Variants in RORB observed in about 807,000 individuals in gnomAD.
RORB encodes RAR related orphan receptor B, also known as nuclear receptor ROR-beta.
Under a neutral mutation model 59.1 loss-of-function variants are expected in RORB, and 6 were observed. That is an observed-to-expected ratio of 0.10 (90% CI 0.06 to 0.20). The LOEUF (loss-of-function observed/expected upper bound fraction) is 0.20. RORB is among the 10% of genes least tolerant of loss of function. The pLI is 1.00. For missense variants in RORB, 320 were observed against 560.5 expected (o/e 0.57, Z 4.33); for synonymous variants, 215 against 204.5 (o/e 1.05, Z -0.44).
Position 74,634,833 on chromosome 9 carries a change from CTATT to C in RORB, c.235+64_235+67del, listed in dbSNP as rs1285252264. 6.2e-6 allele frequency: 9 copies of C among 1,451,578 alleles called. No individual in the cohort carries two copies. The African/African-American group carries it at 7.2e-5, about 12-fold the overall frequency. 89.9% of individuals were successfully genotyped at this position (1,451,578 alleles called of 1,614,324 possible). On this transcript the variant is annotated intron_variant, in intron 3 of 9. Coordinates refer to ENST00000376896, the MANE Select transcript of RORB (RefSeq NM_006914.4). ...TTTCAAATGGATGCTTTGCTGGAGT[CTATT>C]TAAGCTGCTGGAAGAATTCTAGATG...
chr9:74,672,643 A>T (rs1303695492), intron 9 of RORB, among the ~76,000 whole-genome samples: 6 of 152,236 alleles, frequency 3.9e-5, no homozygotes, highest in Non-Finnish European at 8.8e-5. Context: ...TAAAATAATC[A>T]CAAAAGGAAA....
intron 1 of RORB, among the ~76,000 whole-genome samples, chr9:74,559,507 AGTCTTGGTAAGCT>A (rs1822363185): frequency 6.6e-6 from 1 of 152,152 alleles, no homozygotes; most frequent in East Asian, 1.9e-4. Flanking sequence ...CATGTTTTTA[AGTCTTGGTAAGCT>A]GTTTTTCTTT....
chr9:74,539,759 A>T (rs1402366434), intron 1 of RORB, among the ~76,000 whole-genome samples: 1 of 151,966 alleles, frequency 6.6e-6, no homozygotes, highest in Non-Finnish European at 1.5e-5. Flanking sequence ...GCCAGCTTTT[A>T]CTATGAATTC....
chr9:74,642,037 A>G (rs1823816079), intron 3 of RORB, among the ~76,000 whole-genome samples: 1 of 152,186 alleles, frequency 6.6e-6, no homozygotes, highest in Non-Finnish European at 1.5e-5. Flanking sequence ...GTTAGTTATG[A>G]GTGTTGGTTA....
chr9:74,644,743 A>G (rs953850131), intron 4 of RORB, among the ~76,000 whole-genome samples: 7 of 152,234 alleles, frequency 4.6e-5, no homozygotes, highest in African/African-American at 1.7e-4. Context: ...TTGAATCCTT[A>G]TAAAACAAAA....
chr9:74,642,331 C>G (rs1823821378), intron 3 of RORB, 83 bp from the exon 4 acceptor site: 20 of 1,385,452 alleles, frequency 1.4e-5, no homozygotes, highest in Non-Finnish European at 1.9e-5. Flanking sequence ...GAAGGGACAA[C>G]CATCCCATGA....
chr9:74,606,535 G>A (rs928143001), intron 1 of RORB, among the ~76,000 whole-genome samples: 9 of 152,076 alleles, frequency 5.9e-5, no homozygotes, highest in Non-Finnish European at 1.5e-5. Flanking sequence ...GATACTTCAG[G>A]GACAAATTTC....
chr9:74,658,792 A>G (rs942445000), intron 4 of RORB, among the ~76,000 whole-genome samples: 2 of 152,184 alleles, frequency 1.3e-5, no homozygotes, highest in African/African-American at 2.4e-5. Context: ...GGATAGAGTA[A>G]TTTTTACCCT....
intron 1 of RORB, among the ~76,000 whole-genome samples, chr9:74,541,770 A>G (rs1826411415): frequency 6.6e-6 from 1 of 152,204 alleles, no homozygotes; most frequent in Non-Finnish European, 1.5e-5. Flanking sequence ...TTTCTGAGCT[A>G]TCTGCCAACC....
intron 1 of RORB, among the ~76,000 whole-genome samples, chr9:74,533,574 T>C (rs1271541145): frequency 1.3e-5 from 2 of 152,038 alleles, no homozygotes; most frequent in African/African-American, 4.8e-5. Flanking sequence ...TTTAAAAATC[T>C]ACTCCCCAAC....
rs377286581 is a variant in RORB at position 74,525,606 on chromosome 9, A to AT, written c.7+27627dup. Among the ~76,000 whole-genome samples the AT allele has an allele frequency of 5.9e-3, 892 of 152,004 alleles. 2 individuals carry two copies. The highest frequency in any genetic ancestry group is 0.021 in the African/African-American group (860 of 41,528). Reference sequence around the variant, plus strand: ...CAAGAGGATGTCATGCCCACACAGAATTTTCACTCTATGAACAGCAAGTAG... The same window carrying AT: ...CAAGAGGATGTCATGCCCACACAGAATTTTTCACTCTATGAACAGCAAGTAG... On this transcript the variant is annotated intron_variant, in intron 1 of 9. Coordinates refer to ENST00000376896, the MANE Select transcript of RORB (RefSeq NM_006914.4).
chr9:74,645,898 A>G (rs1208989744), intron 4 of RORB, among the ~76,000 whole-genome samples: 3 of 152,146 alleles, frequency 2.0e-5, no homozygotes, highest in African/African-American at 4.8e-5. Flanking sequence ...GTTGATTGCC[A>G]TTCTCACCAC....
rs560694111 is a variant in RORB at position 74,682,114 on chromosome 9, C to G, written c.1225-3349C>G. Among the ~76,000 whole-genome samples, 179 of 152,224 alleles carry G rather than the reference C, an allele frequency of 1.2e-3. 1 individual carries two copies. Among genetic ancestry groups the G allele is most frequent in the Middle Eastern group, 3.4e-3 (1 of 294 alleles). On this transcript the variant is annotated intron_variant, in intron 9 of 9. Coordinates refer to ENST00000376896, the MANE Select transcript of RORB (RefSeq NM_006914.4). Reference sequence around the variant, plus strand: ...GGGAGTGGAAGCATGACAGCTACCACATAGATCACCACTGTGTGTCAAGCA... The same window carrying G: ...GGGAGTGGAAGCATGACAGCTACCAGATAGATCACCACTGTGTGTCAAGCA...
chr9:74,664,973 T>C (rs1004894538), intron 6 of RORB, among the ~76,000 whole-genome samples: 2 of 152,240 alleles, frequency 1.3e-5, no homozygotes, highest in Admixed American at 6.5e-5. Context: ...GCACCTACTA[T>C]GTGCCAGAAA....
intron 4 of RORB, among the ~76,000 whole-genome samples, chr9:74,659,146 A>G (rs1322491128): frequency 6.6e-6 from 1 of 152,186 alleles, no homozygotes; most frequent in South Asian, 2.1e-4. Context: ...CAGTGTTTCC[A>G]ACGTGCCAGG....
chr9:74,681,175 T>C (rs554513802), intron 9 of RORB, among the ~76,000 whole-genome samples: 1 of 152,374 alleles, frequency 6.6e-6, no homozygotes, highest in South Asian at 2.1e-4. Context: ...CAAGTGCTTC[T>C]GGATCACTTC....
intron 4 of RORB, among the ~76,000 whole-genome samples, chr9:74,645,252 T>A (rs1309306528): frequency 1.3e-5 from 2 of 152,168 alleles, no homozygotes; most frequent in East Asian, 3.9e-4. Context: ...CTGTTGAATC[T>A]AGGTACCAAT....
intron 1 of RORB, among the ~76,000 whole-genome samples, chr9:74,554,243 A>G (rs1028109452): frequency 6.6e-6 from 1 of 152,138 alleles, no homozygotes. Flanking sequence ...AATCAGGACC[A>G]GAATCTGGGC....
intron 1 of RORB, among the ~76,000 whole-genome samples, chr9:74,561,772 C>T (rs1027412148): frequency 2.0e-5 from 3 of 152,126 alleles, no homozygotes; most frequent in Admixed American, 6.5e-5. Context: ...TTTCAAATTT[C>T]ACCAGTTTTT....
Sources: allele counts gnomAD v4.1 joint callset (sites outside exome capture counted in the v4.1 genomes callset), GRCh38; gene constraint gnomAD v4.1.1; transcripts MANE v1.5; gene names NCBI Gene and HGNC (gene_info 2026-07-23, HGNC 2026-07-21).